Variants in AKT3 observed in about 807,000 individuals in gnomAD.
The protein encoded by AKT3 is AKT serine/threonine kinase 3.
AKT3 carries 15 observed loss-of-function variants against 65.3 expected under a neutral mutation model. The observed-to-expected ratio is 0.23, with a 90% CI of 0.15 to 0.35. The LOEUF (loss-of-function observed/expected upper bound fraction) is 0.35, where lower values mean the gene tolerates loss of function less well. Ranked by LOEUF, AKT3 falls within the 10% of genes least tolerant of loss-of-function variation. The pLI is 1.00. For synonymous variants in AKT3, 206 were observed against 183.8 expected (o/e 1.12, Z -0.98); for missense variants, 243 against 576.5 (o/e 0.42, Z 5.92).
intron 8 of AKT3, among the ~76,000 whole-genome samples, chr1:243,584,297 G>C (rs1675634698): frequency 6.6e-6 from 1 of 151,944 alleles, no homozygotes; most frequent in South Asian, 2.1e-4. Context: ...CTAATATCGA[G>C]TTCCAAAACT....
At chr1:243,840,635 A>G (rs1695184953) in intron 2 of AKT3, among the ~76,000 whole-genome samples, 1 of 152,208 alleles carries the variant, frequency 6.6e-6, no homozygotes, top group Non-Finnish European at 1.5e-5. Context: ...ATAAACCTTG[A>G]CATATAAAAT....
intron 3 of AKT3, among the ~76,000 whole-genome samples, chr1:243,677,917 T>C (rs895892668): frequency 2.6e-5 from 4 of 151,966 alleles, no homozygotes; most frequent in Non-Finnish European, 5.9e-5. Flanking sequence ...AGAAACCCCA[T>C]CTCTACTAAA....
chr1:243,579,550 T>G (rs1394486908), intron 8 of AKT3, among the ~76,000 whole-genome samples: 1 of 152,170 alleles, frequency 6.6e-6, no homozygotes. Context: ...GTTGTCATAT[T>G]TAGGTGGGCT....
intron 2 of AKT3, among the ~76,000 whole-genome samples, chr1:243,754,733 C>G (rs1044333491): frequency 6.6e-6 from 1 of 152,158 alleles, no homozygotes; most frequent in African/African-American, 2.4e-5. Context: ...TGAAGTGCAA[C>G]AGTTTCATCC....
chr1:243,641,415 T>A (rs1680391551), intron 5 of AKT3, among the ~76,000 whole-genome samples: 1 of 150,200 alleles, frequency 6.7e-6, no homozygotes, highest in Admixed American at 6.6e-5. Flanking sequence ...CAGGCCAGAG[T>A]GTCAATTTAT....
chr1:243,598,664 T>C (rs1472864471), intron 8 of AKT3, among the ~76,000 whole-genome samples: 1 of 152,178 alleles, frequency 6.6e-6, no homozygotes, highest in East Asian at 1.9e-4. Flanking sequence ...AACAGGCTTC[T>C]CTCATCAGAG....
intron 9 of AKT3, 56 bp from the exon 10 acceptor site, chr1:243,563,904 T>G: frequency 6.6e-7 from 1 of 1,521,782 alleles, no homozygotes; most frequent in Non-Finnish European, 8.8e-7. Context: ...AACATGAAAA[T>G]ACCATTTTAA....
In AKT3 at chr1:243,760,282, CTTTTTT is replaced by C. The variant is rs58733457; in HGVS notation, c.47-64572_47-64567del. Reference sequence around the variant, plus strand: ...TACAGGCATGTACCTCTATATCTGGCTTTTTTTTTTTTTTTTTTTTTTGTCATGGAG... The same window carrying C: ...TACAGGCATGTACCTCTATATCTGGCTTTTTTTTTTTTTTTTGTCATGGAG... On this transcript the variant is annotated intron_variant, in intron 2 of 13. Coordinates refer to ENST00000673466, the MANE Select transcript of AKT3 (RefSeq NM_005465.7). 9.9e-5 allele frequency among the ~76,000 whole-genome samples: 8 copies of C among 80,914 alleles called. No individual in the cohort carries two copies. The South Asian group carries it at 1.7e-3, about 17-fold the overall frequency. The allele number at this position is 80,914 out of a possible 152,430, so 53.1% of individuals were successfully genotyped here.
intron 2 of AKT3, among the ~76,000 whole-genome samples, chr1:243,725,755 G>A (rs1318392374): frequency 6.6e-6 from 1 of 152,078 alleles, no homozygotes; most frequent in Non-Finnish European, 1.5e-5. Context: ...AAAAATTAGT[G>A]AAAAGTGGTA....
At chr1:243,706,368 T>G (rs2148060181) in intron 2 of AKT3, among the ~76,000 whole-genome samples, 1 of 152,330 alleles carries the variant, frequency 6.6e-6, no homozygotes. Flanking sequence ...ACTGGGAGTT[T>G]GCAGAGAAGG....
chr1:243,583,168 G>GTATATA (rs1425079716), intron 8 of AKT3, among the ~76,000 whole-genome samples: 3 of 113,248 alleles, frequency 2.6e-5, no homozygotes, highest in African/African-American at 1.0e-4. Flanking sequence ...GTATATGTGT[G>GTATATA]TGTATATATA....
intron 2 of AKT3, among the ~76,000 whole-genome samples, chr1:243,739,063 C>T (rs886282600): frequency 1.3e-5 from 2 of 152,116 alleles, no homozygotes; most frequent in African/African-American, 4.8e-5. Context: ...TTTGCCACAA[C>T]CCTAGCACAG....
chr1:243,829,579 G>T (rs1392932747), intron 2 of AKT3, among the ~76,000 whole-genome samples: 3 of 151,970 alleles, frequency 2.0e-5, no homozygotes, highest in African/African-American at 7.3e-5. Flanking sequence ...TTAAGGATAG[G>T]CCTCATATTT....
intron 8 of AKT3, among the ~76,000 whole-genome samples, chr1:243,580,707 C>A (rs1238530518): frequency 6.6e-6 from 1 of 152,188 alleles, no homozygotes; most frequent in Non-Finnish European, 1.5e-5. Flanking sequence ...AGCTTGGCAA[C>A]CTGGAACAGA....
rs167661 is a variant in AKT3, at chr1:243,665,004, T to C, written c.173-121A>G. On this transcript the variant is annotated intron_variant, in intron 3 of 13. Transcript: ENST00000673466. ...AGTGCGAACTCACAGCTTTCTATGG[T>C]TCTCCACTCAAGATTATTTACAGCC... 1.7e-3 allele frequency: 672 copies of C among 405,904 alleles called. 4 individuals are homozygous for C. Among genetic ancestry groups the C allele is most frequent in the African/African-American group, 0.012 (599 of 47,994 alleles). The allele number at this position is 405,904 out of a possible 1,614,324, so 25.1% of individuals were successfully genotyped here.
intron 8 of AKT3, among the ~76,000 whole-genome samples, chr1:243,575,911 T>C (rs146780095): frequency 3.3e-5 from 5 of 152,026 alleles, no homozygotes; most frequent in Non-Finnish European, 5.9e-5. Flanking sequence ...AGGGAACACA[T>C]GTAGCCAAAA....
intron 2 of AKT3, among the ~76,000 whole-genome samples, chr1:243,841,972 TA>T (rs573928147): frequency 3.5e-4 from 53 of 152,260 alleles, no homozygotes; most frequent in African/African-American, 1.1e-3. Context: ...AAAATTATAG[TA>T]ACAGCAGATA....
chr1:243,509,729 G>C (rs948464875), intron 13 of AKT3, among the ~76,000 whole-genome samples: 2 of 152,020 alleles, frequency 1.3e-5, no homozygotes, highest in African/African-American at 4.8e-5. Context: ...CCAATCTGGT[G>C]CTTGAGCAGA....
chr1:243,568,655 G>A (rs887910350), intron 9 of AKT3, among the ~76,000 whole-genome samples: 4 of 152,134 alleles, frequency 2.6e-5, no homozygotes, highest in African/African-American at 9.7e-5. Flanking sequence ...TCTTGCTGAT[G>A]GCTAGCATAA....
Sources: gnomAD v4.1 joint callset for allele counts (sites outside exome capture counted in the v4.1 genomes callset) on GRCh38, gnomAD v4.1.1 for gene constraint, MANE v1.5 for transcripts, NCBI Gene and HGNC (gene_info 2026-07-23, HGNC 2026-07-21) for gene names.